The following PHKB variants were observed in gnomAD, a reference collection of about 807,000 sequenced individuals.
PHKB encodes the protein phosphorylase kinase regulatory subunit beta, also known as phosphorylase b kinase regulatory subunit beta.
PHKB carries 122 observed loss-of-function variants against 152.1 expected under a neutral mutation model. The ratio of observed to expected loss-of-function variants is 0.80; its 90% CI spans 0.69 to 0.93. The LOEUF is 0.93. Ranked by LOEUF, PHKB falls within the 40% of genes least tolerant of loss-of-function variation. The pLI is 0.00. For synonymous variants in PHKB, 436 were observed against 464.9 expected, an observed-to-expected ratio of 0.94 and a Z score of 0.80; for missense variants, 1,304 against 1,328.4, an observed-to-expected ratio of 0.98 and a Z score of 0.29.
rs1011350218 is a variant in PHKB, at chr16:47,465,915, T to G, written c.76+4489T>G. On this transcript the variant is annotated intron_variant, in intron 1 of 30. Transcript: ENST00000323584. ...CATCCTTGCTTCACAGCTGAGCTTT[T>G]CATTGGTACTTTGGCCAGAAACTAT... Among the ~76,000 whole-genome samples, 8 of 152,374 alleles carry G rather than the reference T, an allele frequency of 5.3e-5. No homozygotes were observed. In the East Asian group the frequency reaches 1.5e-3, roughly 29 times the overall value.
intron 7 of PHKB, 99 bp downstream of exon 7, chr16:47,547,647 GTTAATT>G: frequency 7.9e-6 from 6 of 755,712 alleles, no homozygotes; most frequent in Middle Eastern, 3.2e-4. Context: ...TGATTCATAT[GTTAATT>G]TGTAGCAATT....
At chr16:47,697,421 G>T (rs1974167068) in intron 29 of PHKB, among the ~76,000 whole-genome samples, 1 of 152,194 alleles carries the variant, frequency 6.6e-6, no homozygotes, top group Non-Finnish European at 1.5e-5. Context: ...TGCCTTCCAT[G>T]TCTAGTACCC....
At chr16:47,607,069 A>G (rs2151707364) in intron 13 of PHKB, among the ~76,000 whole-genome samples, 1 of 152,262 alleles carries the variant, frequency 6.6e-6, no homozygotes, top group African/African-American at 2.4e-5. Context: ...AGGAAACATT[A>G]TTTCTTAACA....
rs1567360950 is a variant in PHKB at position 47,696,362 on chromosome 16, G to T, written c.2896-19G>T. The T allele has an allele frequency of 8.5e-7, 1 of 1,182,160 alleles. No individual in the cohort carries two copies. The highest frequency in any genetic ancestry group is 1.3e-6 in the Non-Finnish European group (1 of 785,484). The allele number at this position is 1,182,160 out of a possible 1,614,324, so 73.2% of individuals were successfully genotyped here. On this transcript the variant is annotated intron_variant, in intron 28 of 30. Transcript: ENST00000323584. ...GAGCATAACGGTTCAGCATGTTAAT[G>T]TGGAGTTATTTTTTTCAGCAACCAA...
intron 7 of PHKB, among the ~76,000 whole-genome samples, chr16:47,570,614 C>T (rs1298585588): frequency 2.0e-5 from 3 of 151,814 alleles, no homozygotes; most frequent in Non-Finnish European, 2.9e-5. Context: ...CTAAATGAGT[C>T]CTTCATTTCC....
chr16:47,465,843 G>A (rs1969659490), intron 1 of PHKB, among the ~76,000 whole-genome samples: 1 of 152,078 alleles, frequency 6.6e-6, no homozygotes, highest in Non-Finnish European at 1.5e-5. Flanking sequence ...TATCTTTATA[G>A]GCATATGTTT....
intron 2 of PHKB, among the ~76,000 whole-genome samples, chr16:47,498,077 G>GT (rs1471376226): frequency 6.6e-6 from 1 of 152,072 alleles, no homozygotes; most frequent in African/African-American, 2.4e-5. Flanking sequence ...CTTTTTGTCA[G>GT]TTTACCTTTT....
intron 28 of PHKB, among the ~76,000 whole-genome samples, chr16:47,693,818 G>GAGGAT (rs1277912696): frequency 6.6e-6 from 1 of 152,118 alleles, no homozygotes; most frequent in Non-Finnish European, 1.5e-5. Flanking sequence ...TAGATATTTT[G>GAGGAT]AGGATATTCC....
rs189750899 is a variant in PHKB, at chr16:47,520,850, G to A, written c.594+5249G>A. On this transcript the variant is annotated intron_variant, in intron 6 of 30. Transcript: ENST00000323584. ...TTGATAATATCATTTGAAGCTCAAA[G>A]CTTTTTATTAATTTTGATTAAGTCT... 3.3e-5 allele frequency among the ~76,000 whole-genome samples: 5 copies of A among 152,218 alleles called. No homozygotes were observed. The East Asian group carries it at 9.6e-4, about 29-fold the overall frequency.
chr16:47,564,649 G>A (rs1429386924), intron 7 of PHKB, among the ~76,000 whole-genome samples: 1 of 152,114 alleles, frequency 6.6e-6, no homozygotes, highest in East Asian at 1.9e-4. Flanking sequence ...TGCTTTTGGG[G>A]TCTTAGTCAT....
rs759882590 is a variant in PHKB, at chr16:47,499,793, C to T, written c.204C>T (p.Thr68=). The T allele has an allele frequency of 1.5e-5, 24 of 1,614,024 alleles. No individual in the cohort carries two copies. Among genetic ancestry groups the T allele is most frequent in the African/African-American group, 5.3e-5 (4 of 74,932 alleles). ...STLLLYQSPT[T]GLFPTKTCGG... ...TGCTGCTGTATCAAAGTCCAACTAC[C>T]GGTCTCTTTCCCACTAAAACATGCG... is the stretch of plus-strand genomic sequence containing the variant. Residue 68 remains threonine, a synonymous_variant, in exon 3 of 31, where the codon ACC becomes ACT. Transcript: ENST00000323584.
At chr16:47,687,276 T>C (rs1973981195) in intron 26 of PHKB, among the ~76,000 whole-genome samples, 1 of 152,222 alleles carries the variant, frequency 6.6e-6, no homozygotes. Context: ...AGAGGCCCAC[T>C]GAGTAGTTTA....
intron 7 of PHKB, among the ~76,000 whole-genome samples, chr16:47,553,457 A>C (rs898365428): frequency 6.6e-6 from 1 of 152,070 alleles, no homozygotes; most frequent in African/African-American, 2.4e-5. Context: ...CAAAGTTGTT[A>C]GCTTCCTTGC....
chr16:47,626,637 A>C (rs1439929762), intron 14 of PHKB, among the ~76,000 whole-genome samples: 1 of 152,238 alleles, frequency 6.6e-6, no homozygotes. Context: ...AGAACAAGTC[A>C]GTCCAGAAAC....
intron 1 of PHKB, among the ~76,000 whole-genome samples, chr16:47,468,901 T>C (rs1969716447): frequency 6.6e-6 from 1 of 152,228 alleles, no homozygotes; most frequent in Non-Finnish European, 1.5e-5. Context: ...TACTGCTGTT[T>C]GGGTAGCTTG....
At position 47,499,893 on chromosome 16, in the gene PHKB, AGGTGAGCT is replaced by A. The variant is rs1490442765; in HGVS notation, c.305+4_305+11del. 1 of 1,614,144 alleles carries A rather than the reference AGGTGAGCT, an allele frequency of 6.2e-7. No individual in the cohort carries two copies. The highest frequency in any genetic ancestry group is 8.5e-7 in the Non-Finnish European group (1 of 1,180,016). On this transcript the variant is annotated splice_donor_variant and splice_donor_5th_base_variant and coding_sequence_variant and intron_variant, in exon 3 of 31. Transcript: ENST00000323584. LOFTEE classifies it high-confidence loss of function. ...GGCCTGGGCTTTGGCTCTTGCATAC[AGGTGAGCT>A]GGTGTGTGTTCTCCTCGTAACTTTG...
rs192483002 is a variant in PHKB at position 47,542,009 on chromosome 16, C to T, written c.595-5424C>T. On this transcript the variant is annotated intron_variant, in intron 6 of 30. Transcript: ENST00000323584. ...GAAGCTCTTTAGTTTAATTAGATAC[C>T]ATTTGTCTATTTTGGCTTTTGTTAC... 2.6e-5 allele frequency among the ~76,000 whole-genome samples: 4 copies of T among 152,052 alleles called. No homozygotes were observed. The South Asian group carries it at 8.3e-4, about 32-fold the overall frequency.
intron 7 of PHKB, among the ~76,000 whole-genome samples, chr16:47,552,181 T>C (rs1971283673): frequency 6.6e-6 from 1 of 152,240 alleles, no homozygotes; most frequent in Admixed American, 6.5e-5. Flanking sequence ...TTCCAGTCTC[T>C]GTTTTTTAAC....
At chr16:47,525,437 G>T (rs1271613468) in intron 6 of PHKB, among the ~76,000 whole-genome samples, 1 of 152,140 alleles carries the variant, frequency 6.6e-6, no homozygotes, top group African/African-American at 2.4e-5. Context: ...TTTCAAAATG[G>T]AGAGAATTGG....
Sources: gnomAD v4.1 joint callset for allele counts (sites outside exome capture counted in the v4.1 genomes callset) on GRCh38, gnomAD v4.1.1 for gene constraint, MANE v1.5 for transcripts, NCBI Gene and HGNC (gene_info 2026-07-23, HGNC 2026-07-21) for gene names.